Variants in KCNH1 observed in about 807,000 individuals in gnomAD.
KCNH1 encodes voltage-gated delayed rectifier potassium channel KCNH1.
A neutral mutation model predicts 69.2 loss-of-function variants in KCNH1; 27 were observed. The ratio of observed to expected loss-of-function variants is 0.39; its 90% confidence interval spans 0.29 to 0.54. The LOEUF (loss-of-function observed/expected upper bound fraction) is 0.54. KCNH1 is among the 20% of genes least tolerant of loss of function. The pLI is 0.68. For missense variants in KCNH1, 798 were observed against 1,261.6 expected, an observed-to-expected ratio of 0.63 and a Z score of 5.57; for synonymous variants, 456 against 487.7, an observed-to-expected ratio of 0.93 and a Z score of 0.86.
Position 211,000,936 on chromosome 1 carries a change from G to A in KCNH1, c.1032+17847C>T, listed in dbSNP as rs79960124. Among the ~76,000 whole-genome samples, 4 of 151,874 alleles carry A rather than the reference G, an allele frequency of 2.6e-5. No individual in the cohort carries two copies. In the South Asian group the frequency reaches 8.3e-4, roughly 32 times the overall value. On this transcript the variant is annotated intron_variant, in intron 6 of 10. Coordinates refer to ENST00000271751, the MANE Select transcript of KCNH1 (RefSeq NM_172362.3). ...GAAAGGATTCCCTATTTAATCAATG[G>A]TGCTGGGAAAACTGGCTAGCCATAT...
At chr1:210,731,091 C>T (rs1682738004) in intron 10 of KCNH1, among the ~76,000 whole-genome samples, 1 of 152,198 alleles carries the variant, frequency 6.6e-6, no homozygotes, top group Admixed American at 6.5e-5. Flanking sequence ...TGAGAGTTAT[C>T]TCCCCACTCT....
At chr1:210,944,104 C>T (rs924508307) in intron 6 of KCNH1, among the ~76,000 whole-genome samples, 1 of 152,208 alleles carries the variant, frequency 6.6e-6, no homozygotes, top group Admixed American at 6.5e-5. Flanking sequence ...AAACTAACTC[C>T]AAAGTCACTG....
At chr1:210,868,368 A>C (rs937472279) in intron 7 of KCNH1, among the ~76,000 whole-genome samples, 5 of 151,950 alleles carry the variant, frequency 3.3e-5, no homozygotes, top group Admixed American at 3.3e-4. Context: ...TGTGGCTAAA[A>C]ATTTCATTTT....
At chr1:211,122,571 C>T (rs2102498761) in intron 1 of KCNH1, among the ~76,000 whole-genome samples, 1 of 152,244 alleles carries the variant, frequency 6.6e-6, no homozygotes, top group Non-Finnish European at 1.5e-5. Flanking sequence ...GATGTGGAAC[C>T]AACCCAAATG....
chr1:210,804,620 C>CTGCTACGTGCCAAGCACTG (rs1182129007), intron 7 of KCNH1, among the ~76,000 whole-genome samples: 8 of 152,226 alleles, frequency 5.3e-5, no homozygotes, highest in Admixed American at 3.9e-4. Context: ...TTATCAAGCT[C>CTGCTACGTGCCAAGCACTG]TGCTACGTGC....
intron 5 of KCNH1, among the ~76,000 whole-genome samples, chr1:211,071,076 C>A (rs1018908506): frequency 2.0e-5 from 3 of 152,088 alleles, no homozygotes; most frequent in South Asian, 2.1e-4. Context: ...TACAACAAAG[C>A]TACAGAAAAT....
At chr1:211,035,247 T>C (rs1294301098) in intron 5 of KCNH1, among the ~76,000 whole-genome samples, 2 of 126,928 alleles carry the variant, frequency 1.6e-5, no homozygotes, top group African/African-American at 6.3e-5. Context: ...TTTTTTTTTT[T>C]TTTTTTTTTT....
chr1:210,921,132 T>C (rs781193576), intron 6 of KCNH1, among the ~76,000 whole-genome samples: 3 of 152,226 alleles, frequency 2.0e-5, no homozygotes, highest in Admixed American at 2.0e-4. Flanking sequence ...TCTCTAAGTC[T>C]TCTCCATACA....
intron 6 of KCNH1, among the ~76,000 whole-genome samples, chr1:210,984,223 C>T (rs61849025): frequency 3.9e-5 from 6 of 152,184 alleles, no homozygotes; most frequent in East Asian, 1.9e-4. Flanking sequence ...CTGCAAACAG[C>T]GACAATTTGA....
At chr1:210,790,924 C>A (rs530024664) in intron 9 of KCNH1, among the ~76,000 whole-genome samples, 6 of 152,296 alleles carry the variant, frequency 3.9e-5, no homozygotes, top group African/African-American at 1.4e-4. Context: ...GCCCCATATC[C>A]CACTGCTGCC....
At chr1:211,020,944 A>AT (rs1553371683) in intron 5 of KCNH1, among the ~76,000 whole-genome samples, 3 of 71,790 alleles carry the variant, frequency 4.2e-5, no homozygotes, top group South Asian at 1.0e-3. Flanking sequence ...TCCTTTCATG[A>AT]TAAAAAAAAC....
intron 6 of KCNH1, among the ~76,000 whole-genome samples, chr1:210,971,577 T>C (rs767260692): frequency 6.6e-6 from 1 of 152,320 alleles, no homozygotes; most frequent in East Asian, 1.9e-4. Flanking sequence ...TCTATGTATC[T>C]GGATGGTGAA....
chr1:210,920,048 A>T lies in KCNH1; in HGVS notation c.1054T>A (p.Ser352Thr). ...CGGAGCAGCCGGACAACTTTTAGAGAGCTGAACAGGCTGCTGATGCCCTGG... is the reference window on the plus strand; with the variant it reads ...CGGAGCAGCCGGACAACTTTTAGAGTGCTGAACAGGCTGCTGATGCCCTGG... Reference protein sequence around the residue: ...ESQGISSLFSSLKVVRLLRLG... With the variant: ...ESQGISSLFSTLKVVRLLRLG... Residue 352 changes from serine to threonine, a missense_variant, in exon 7 of 11, where the codon TCT becomes ACT. Ser to Thr is a moderately conservative substitution (Grantham distance 58, BLOSUM62 1). Coordinates refer to ENST00000271751, the MANE Select transcript of KCNH1 (RefSeq NM_172362.3). 6.2e-7 allele frequency: 1 copy of T among 1,613,484 alleles called. No homozygotes were observed. The highest frequency in any genetic ancestry group is 8.5e-7 in the Non-Finnish European group (1 of 1,179,594).
intron 7 of KCNH1, among the ~76,000 whole-genome samples, chr1:210,868,981 T>C (rs938236487): frequency 5.3e-4 from 80 of 152,262 alleles, no homozygotes; most frequent in African/African-American, 1.9e-3. Context: ...AGCTTTTGTT[T>C]GCCTGAAAAA....
chr1:210,832,859 TG>T (rs1288814807), intron 7 of KCNH1, among the ~76,000 whole-genome samples: 1 of 149,114 alleles, frequency 6.7e-6, no homozygotes, highest in Non-Finnish European at 1.5e-5. Context: ...TTACAATGGC[TG>T]TACTCATCTA....
intron 6 of KCNH1, among the ~76,000 whole-genome samples, chr1:210,925,277 C>T (rs1272585379): frequency 6.6e-6 from 1 of 152,222 alleles, no homozygotes; most frequent in Admixed American, 6.5e-5. Flanking sequence ...TTGCAGCTCC[C>T]ACTTGGATGG....
chr1:210,740,059 G>A (rs1682984418), intron 10 of KCNH1, among the ~76,000 whole-genome samples: 1 of 152,178 alleles, frequency 6.6e-6, no homozygotes, highest in South Asian at 2.1e-4. Context: ...AGAGGGACAG[G>A]AGCTAAGTAA....
intron 6 of KCNH1, among the ~76,000 whole-genome samples, chr1:210,924,025 C>T (rs1179182459): frequency 1.3e-5 from 2 of 152,148 alleles, no homozygotes; most frequent in Admixed American, 6.5e-5. Flanking sequence ...TATTATGTAA[C>T]AGATGCAGAT....
intron 7 of KCNH1, among the ~76,000 whole-genome samples, chr1:210,917,305 G>C (rs1364144830): frequency 1.3e-5 from 2 of 148,934 alleles, no homozygotes; most frequent in Non-Finnish European, 2.9e-5. Context: ...GAAACACAGA[G>C]AGAGAGAGAG....
Sources: gnomAD v4.1 joint callset for allele counts (sites outside exome capture counted in the v4.1 genomes callset) on GRCh38, gnomAD v4.1.1 for gene constraint, MANE v1.5 for transcripts, NCBI Gene and HGNC (gene_info 2026-07-23, HGNC 2026-07-21) for gene names.